The following RAB2A variants were observed in gnomAD, a reference collection of about 807,000 sequenced individuals.
The protein encoded by RAB2A is ras-related protein Rab-2A.
RAB2A carries 7 observed loss-of-function variants against 32.5 expected under a neutral mutation model. That is an observed-to-expected ratio of 0.22 (90% CI 0.12 to 0.40). The LOEUF (loss-of-function observed/expected upper bound fraction) is 0.40, where lower values mean the gene tolerates loss of function less well. RAB2A is among the 10% of genes least tolerant of loss of function. RAB2A has a pLI of 1.00. For synonymous variants in RAB2A, 79 were observed against 85.2 expected (o/e 0.93, Z 0.40); for missense variants, 108 against 260.7 (o/e 0.41, Z 4.03).
intron 6 of RAB2A, among the ~76,000 whole-genome samples, chr8:60,601,014 C>A (rs1804125829): frequency 6.6e-6 from 1 of 152,158 alleles, no homozygotes; most frequent in East Asian, 1.9e-4. Context: ...AAAGTTTAAT[C>A]AAAAAATAAC....
chr8:60,588,429 A>G (rs773091635), intron 5 of RAB2A, among the ~76,000 whole-genome samples: 7 of 152,246 alleles, frequency 4.6e-5, no homozygotes, highest in Non-Finnish European at 1.0e-4. Context: ...AACTGGAAAC[A>G]ACCCAAATAT....
chr8:60,565,678 T>A (rs190906784), intron 2 of RAB2A, among the ~76,000 whole-genome samples: 3,995 of 8,694 alleles, frequency 0.46, 285 homozygotes, highest in African/African-American at 0.53. Context: ...TGTAGCTGAT[T>A]TTTTTTTTTT....
chr8:60,540,830 A>G (rs948970511), intron 1 of RAB2A, among the ~76,000 whole-genome samples: 1 of 152,260 alleles, frequency 6.6e-6, no homozygotes, highest in Non-Finnish European at 1.5e-5. Flanking sequence ...TGTTAAAACA[A>G]TATGGAAGGG....
At chr8:60,520,899 T>C (rs577109121) in intron 1 of RAB2A, among the ~76,000 whole-genome samples, 14 of 152,286 alleles carry the variant, frequency 9.2e-5, no homozygotes, top group Non-Finnish European at 2.1e-4. Context: ...TCACTACAGC[T>C]TCAGTCTCCT....
At chr8:60,532,376 A>T (rs1807489803) in intron 1 of RAB2A, among the ~76,000 whole-genome samples, 1 of 152,232 alleles carries the variant, frequency 6.6e-6, no homozygotes, top group African/African-American at 2.4e-5. Context: ...AAATAGCTAA[A>T]AAGTAATAAA....
At chr8:60,534,788 G>C (rs997589520) in intron 1 of RAB2A, among the ~76,000 whole-genome samples, 2 of 152,190 alleles carry the variant, frequency 1.3e-5, no homozygotes, top group Non-Finnish European at 2.9e-5. Context: ...CATAGTTTAA[G>C]GGATTGCTTA....
intron 1 of RAB2A, among the ~76,000 whole-genome samples, chr8:60,531,938 G>T (rs555162241): frequency 6.6e-6 from 1 of 152,132 alleles, no homozygotes; most frequent in African/African-American, 2.4e-5. Context: ...GAGTAGCTGG[G>T]ATTACAGGCG....
intron 3 of RAB2A, among the ~76,000 whole-genome samples, chr8:60,578,293 T>C (rs1404224161): frequency 1.3e-5 from 2 of 152,216 alleles, no homozygotes; most frequent in Non-Finnish European, 2.9e-5. Flanking sequence ...AGTGTGTTCA[T>C]TGTATCTAAT....
At chr8:60,569,985 A>G in intron 2 of RAB2A, 1 of 456,262 alleles carries the variant, frequency 2.2e-6, no homozygotes, top group Non-Finnish European at 4.4e-6. Flanking sequence ...CAGGAAGCAG[A>G]AACTGTTAAG....
chr8:60,585,405 G>A (rs984913880), intron 5 of RAB2A, among the ~76,000 whole-genome samples: 6 of 151,938 alleles, frequency 3.9e-5, no homozygotes, highest in Non-Finnish European at 8.8e-5. Context: ...TTGGCCTCCC[G>A]GGCTCAAGGG....
intron 6 of RAB2A, among the ~76,000 whole-genome samples, chr8:60,595,000 A>G (rs1247077294): frequency 6.6e-6 from 1 of 152,210 alleles, no homozygotes; most frequent in African/African-American, 2.4e-5. Flanking sequence ...AGAATTCTTT[A>G]CCCAGCAAAG....
chr8:60,517,270 C>T lies in RAB2A; in HGVS notation c.46+17C>T. ...GCGACACAGGTGAGGGCCCCGGGCG[C>T]GGCCGGGCGGGTGTCGGCGGCCTCC... On this transcript the variant is annotated intron_variant, in intron 1 of 7. Transcript: ENST00000262646. 3.4e-6 allele frequency: 5 copies of T among 1,480,534 alleles called. No individual in the cohort carries two copies. Among genetic ancestry groups the T allele is most frequent in the Non-Finnish European group, 4.5e-6 (5 of 1,114,222 alleles). 91.7% of individuals were successfully genotyped at this position (1,480,534 alleles called of 1,614,324 possible).
chr8:60,545,218 T>G (rs1169672225), intron 1 of RAB2A, among the ~76,000 whole-genome samples: 1 of 102,340 alleles, frequency 9.8e-6, no homozygotes, highest in Admixed American at 8.3e-5. Context: ...CTCTTTGCCT[T>G]AAAATGCAAG....
At chr8:60,572,451 A>T (rs1254672371) in intron 3 of RAB2A, among the ~76,000 whole-genome samples, 2 of 152,244 alleles carry the variant, frequency 1.3e-5, no homozygotes, top group Non-Finnish European at 2.9e-5. Flanking sequence ...ATATTATACA[A>T]TAACTTATTC....
At chr8:60,532,025 G>A (rs577726176) in intron 1 of RAB2A, among the ~76,000 whole-genome samples, 6 of 152,094 alleles carry the variant, frequency 3.9e-5, no homozygotes, top group South Asian at 4.2e-4. Flanking sequence ...AGCTGGCTTC[G>A]AACTCCTGAC....
chr8:60,517,351 C>T, intron 1 of RAB2A, 98 bp downstream of exon 1: 2 of 1,125,674 alleles, frequency 1.8e-6, no homozygotes, highest in Non-Finnish European at 1.2e-6. Context: ...CGGACTCCAC[C>T]CGGCGCCTCC....
chr8:60,585,994 GA>G (rs1803839595), intron 5 of RAB2A, among the ~76,000 whole-genome samples: 1 of 152,128 alleles, frequency 6.6e-6, no homozygotes, highest in Non-Finnish European at 1.5e-5. Flanking sequence ...GTACTATCAA[GA>G]AAATTTTTAA....
chr8:60,584,624 T>C, intron 4 of RAB2A, 99 bp from the exon 5 acceptor site: 2 of 951,204 alleles, frequency 2.1e-6, no homozygotes, highest in East Asian at 5.2e-5. Flanking sequence ...CATAAGTGGA[T>C]ATGGCTAAAA....
intron 6 of RAB2A, among the ~76,000 whole-genome samples, chr8:60,609,846 G>T (rs1034924019): frequency 4.6e-5 from 7 of 151,404 alleles, no homozygotes; most frequent in Non-Finnish European, 7.4e-5. Flanking sequence ...CACGCCTGCT[G>T]TACTCCCAGC....
Sources: gnomAD v4.1 joint callset for allele counts (sites outside exome capture counted in the v4.1 genomes callset) on GRCh38, gnomAD v4.1.1 for gene constraint, MANE v1.5 for transcripts, NCBI Gene and HGNC (gene_info 2026-07-23, HGNC 2026-07-21) for gene names.